Variants in ABLIM1 observed in about 807,000 individuals in gnomAD.
ABLIM1 encodes actin binding LIM protein 1, also known as actin-binding LIM protein 1.
ABLIM1 carries 40 observed loss-of-function variants against 107.0 expected under a neutral mutation model. The observed-to-expected ratio is 0.37, with a 90% confidence interval of 0.29 to 0.49. The LOEUF (loss-of-function observed/expected upper bound fraction) is 0.49. Ranked by LOEUF, ABLIM1 falls within the 20% of genes least tolerant of loss-of-function variation. The pLI is 0.97. For missense variants in ABLIM1, 857 were observed against 1,008.5 expected (o/e 0.85, Z 2.04); for synonymous variants, 357 against 357.3 (o/e 1.00, Z 0.01).
chr10:114,664,121 A>T (rs1377733607), intron 1 of ABLIM1, among the ~76,000 whole-genome samples: 6 of 152,150 alleles, frequency 3.9e-5, no homozygotes, highest in Admixed American at 3.9e-4. Context: ...CTTTTTTGAG[A>T]TGTTTCACCT....
intron 1 of ABLIM1, among the ~76,000 whole-genome samples, chr10:114,693,565 G>A (rs1057493577): frequency 6.6e-6 from 1 of 152,158 alleles, no homozygotes; most frequent in Non-Finnish European, 1.5e-5. Context: ...CTCGCACAGC[G>A]CACAGCCATA....
rs745875295 is a variant in ABLIM1, at chr10:114,634,129, C to CTTTTTT, written c.244+23822_244+23827dup. Among the ~76,000 whole-genome samples the CTTTTTT allele has an allele frequency of 2.5e-3, 173 of 68,236 alleles. 27 individuals are homozygous for CTTTTTT. The highest frequency in any genetic ancestry group is 3.3e-3 in the African/African-American group (51 of 15,618). 44.8% of individuals were successfully genotyped at this position (68,236 alleles called of 152,430 possible). The stretch of plus-strand genomic sequence containing the variant: ...CGTAAATGCCATTAGCTCAATTTTT[C>CTTTTTT]TTTTTTTTTTTTTTTTTTTTTGAGA... On this transcript the variant is annotated intron_variant, in intron 1 of 22. Transcript: ENST00000533213.
the ABLIM1 span, among the ~76,000 whole-genome samples, chr10:114,787,985 A>C: frequency 6.9e-6 from 1 of 144,182 alleles, no homozygotes; most frequent in Non-Finnish European, 1.5e-5. Context: ...TTCTGTACTA[A>C]GAAAAATTCT....
intron 2 of ABLIM1, among the ~76,000 whole-genome samples, chr10:114,598,513 G>C (rs1464583332): frequency 6.6e-6 from 1 of 152,002 alleles, no homozygotes; most frequent in Non-Finnish European, 1.5e-5. Context: ...CCTTGAACCT[G>C]GAAGGCAGAG....
chr10:114,765,960 TTC>T (rs74411693), intron 1 of ABLIM1, among the ~76,000 whole-genome samples: 18,481 of 152,158 alleles, frequency 0.12, 1,696 homozygotes, highest in East Asian at 0.45. Flanking sequence ...GTCTAAGCCA[TTC>T]TCTCTCTCTT....
intron 4 of ABLIM1, among the ~76,000 whole-genome samples, chr10:114,568,694 A>T (rs1197116157): frequency 1.3e-5 from 2 of 152,244 alleles, no homozygotes; most frequent in African/African-American, 2.4e-5. Context: ...ACTTGTTAAA[A>T]ATAAAGATGT....
chr10:114,442,665 C>T (rs2060360769), intron 17 of ABLIM1, among the ~76,000 whole-genome samples: 1 of 142,116 alleles, frequency 7.0e-6, no homozygotes, highest in South Asian at 2.1e-4. Flanking sequence ...CCTAGTCTTG[C>T]TAGTTATTGG....
chr10:114,798,856 C>T, the ABLIM1 span, among the ~76,000 whole-genome samples: 6 of 151,800 alleles, frequency 4.0e-5, no homozygotes, highest in South Asian at 1.2e-3. Flanking sequence ...AGTGCAGTGG[C>T]GCGATCTCAG....
chr10:114,514,061 A>G (rs768993902), intron 6 of ABLIM1, among the ~76,000 whole-genome samples: 1 of 152,172 alleles, frequency 6.6e-6, no homozygotes, highest in Non-Finnish European at 1.5e-5. Flanking sequence ...AAGTTTCTCT[A>G]CTGCTGCTCA....
chr10:114,726,873 G>A (rs1487619030), intron 1 of ABLIM1, among the ~76,000 whole-genome samples: 2 of 152,194 alleles, frequency 1.3e-5, no homozygotes, highest in East Asian at 1.9e-4. Flanking sequence ...CTCCCACCAG[G>A]CCCCACCTCC....
At chr10:114,617,793 T>C (rs1411807094) in intron 1 of ABLIM1, among the ~76,000 whole-genome samples, 2 of 152,186 alleles carry the variant, frequency 1.3e-5, no homozygotes, top group Non-Finnish European at 2.9e-5. Context: ...GTATGGGTTT[T>C]TTACCCCATA....
At chr10:114,614,658 C>A (rs1284382231) in intron 1 of ABLIM1, among the ~76,000 whole-genome samples, 1 of 152,138 alleles carries the variant, frequency 6.6e-6, no homozygotes, top group Non-Finnish European at 1.5e-5. Flanking sequence ...GTGTCAGCAC[C>A]AGAGATTTGC....
chr10:114,542,647 T>G (rs531606217), intron 6 of ABLIM1, among the ~76,000 whole-genome samples: 8 of 58,576 alleles, frequency 1.4e-4, no homozygotes, highest in African/African-American at 1.2e-3. Context: ...AGAAGGAAAT[T>G]TCCAAGTTGC....
chr10:114,457,883 C>T (rs1433837422), intron 12 of ABLIM1, among the ~76,000 whole-genome samples: 1 of 152,054 alleles, frequency 6.6e-6, no homozygotes, highest in Non-Finnish European at 1.5e-5. Flanking sequence ...ACCAGCCTGG[C>T]CAACATGGTG....
intron 6 of ABLIM1, among the ~76,000 whole-genome samples, chr10:114,500,698 A>AG (rs1175108987): frequency 1.5e-5 from 2 of 134,060 alleles, no homozygotes; most frequent in Non-Finnish European, 3.2e-5. Flanking sequence ...AAAAAAAAAA[A>AG]AAAGAAAGAG....
chr10:114,561,121 CT>C (rs1420991505), intron 4 of ABLIM1, among the ~76,000 whole-genome samples: 4 of 152,184 alleles, frequency 2.6e-5, no homozygotes, highest in Non-Finnish European at 5.9e-5. Context: ...TAGGTGTAAA[CT>C]TTAACCTGGC....
chr10:114,655,065 A>G (rs2079437057), intron 1 of ABLIM1, among the ~76,000 whole-genome samples: 2 of 152,214 alleles, frequency 1.3e-5, no homozygotes, highest in African/African-American at 4.8e-5. Context: ...TACTCTAGGG[A>G]TAGGCCTGCT....
chr10:114,460,833 G>A (rs2063734581), intron 12 of ABLIM1, among the ~76,000 whole-genome samples: 1 of 152,068 alleles, frequency 6.6e-6, no homozygotes, highest in Non-Finnish European at 1.5e-5. Context: ...TCTCCACATG[G>A]CCACTCATGG....
At chr10:114,516,555 G>A (rs944371227) in intron 6 of ABLIM1, among the ~76,000 whole-genome samples, 7 of 152,028 alleles carry the variant, frequency 4.6e-5, no homozygotes, top group South Asian at 2.1e-4. Context: ...AAACTGTTTC[G>A]CATCCAAGTA....
Sources: gnomAD v4.1 joint callset for allele counts (sites outside exome capture counted in the v4.1 genomes callset) on GRCh38, gnomAD v4.1.1 for gene constraint, MANE v1.5 for transcripts, NCBI Gene and HGNC (gene_info 2026-07-23, HGNC 2026-07-21) for gene names.